ZSCAN5A: variants seen among roughly 807,000 people sequenced by gnomAD.
ZSCAN5A encodes zinc finger and SCAN domain containing 5A.
A neutral mutation model predicts 23.7 loss-of-function variants in ZSCAN5A; 12 were observed. The observed-to-expected ratio is 0.51, with a 90% CI of 0.32 to 0.82. The LOEUF (loss-of-function observed/expected upper bound fraction) is 0.82. Ranked by LOEUF, ZSCAN5A falls within the 40% of genes least tolerant of loss-of-function variation. The pLI, the probability that ZSCAN5A is intolerant of heterozygous loss-of-function variation, is 0.03. For missense variants in ZSCAN5A, 597 were observed against 617.9 expected (o/e 0.97, Z 0.36); for synonymous variants, 257 against 239.9 (o/e 1.07, Z -0.66).
chr19:56,305,724 T>TA (rs1297383533), intron 2 of ZSCAN5A, among the ~76,000 whole-genome samples: 18 of 152,158 alleles, frequency 1.2e-4, no homozygotes, highest in Admixed American at 5.9e-4. Flanking sequence ...AGGTGATACT[T>TA]AGAGCTAGAG....
intron 2 of ZSCAN5A, among the ~76,000 whole-genome samples, chr19:56,336,480 T>C (rs1185627862): frequency 6.6e-6 from 1 of 152,200 alleles, no homozygotes; most frequent in African/African-American, 2.4e-5. Flanking sequence ...TAGATAGCCA[T>C]TCGTCTAATT....
rs759410947 is a variant in ZSCAN5A at position 56,249,050 on chromosome 19, C to T, written c.-127-23877G>A. On this transcript the variant is annotated intron_variant, in intron 2 of 5. Coordinates refer to ENST00000683990, the MANE Select transcript of ZSCAN5A (RefSeq NM_001322064.3). ...TCTCTGCTCTGCCTATTTATCTCCCCGCCCCAGATGGTGTATTTCTTGGTC... is the reference window on the plus strand; with the variant it reads ...TCTCTGCTCTGCCTATTTATCTCCCTGCCCCAGATGGTGTATTTCTTGGTC... Among the ~76,000 whole-genome samples the T allele has an allele frequency of 3.9e-5, 6 of 152,118 alleles. No individual in the cohort carries two copies. The East Asian group carries it at 5.8e-4, about 15-fold the overall frequency.
At chr19:56,311,896 A>G (rs570278288) in intron 2 of ZSCAN5A, 2 of 152,276 alleles carry the variant, frequency 1.3e-5, no homozygotes, top group East Asian at 3.9e-4. Context: ...TAAATAAGAT[A>G]ATATTTCTAA....
At chr19:56,235,549 T>C (rs1167390316) in intron 2 of ZSCAN5A, among the ~76,000 whole-genome samples, 2 of 61,442 alleles carry the variant, frequency 3.3e-5, no homozygotes, top group Non-Finnish European at 6.0e-5. Context: ...CAGCCTCTGA[T>C]TGACCGTGGG....
chr19:56,350,278 A>G (rs572615791), intron 2 of ZSCAN5A, among the ~76,000 whole-genome samples: 21 of 152,352 alleles, frequency 1.4e-4, no homozygotes, highest in Admixed American at 2.0e-4. Flanking sequence ...AATACACACT[A>G]TGAAAAGGTT....
Position 56,223,683 on chromosome 19 carries a change from G to T in ZSCAN5A, c.536C>A (p.Ala179Asp), listed in dbSNP as rs776959267. Residue 179 changes from alanine (A) to aspartate (D), a missense_variant, in exon 4 of 6, where the codon GCC (alanine) becomes GAC (aspartate). By Grantham distance (126) the Ala-to-Asp change is moderately radical. Transcript: ENST00000683990. ...GGGCAGGATCTGCAGCTCTCGGTGG[G>T]CCTGGCCTTCCCCTGGACGCATCTG... ...VNQMRPGEGQ[A>D]HRELQILPRV... The T allele has an allele frequency of 3.3e-5, 52 of 1,593,672 alleles. No individual in the cohort carries two copies. Among genetic ancestry groups the T allele is most frequent in the Non-Finnish European group, 4.4e-5 (51 of 1,170,608 alleles).
At chr19:56,360,631 T>C (rs2041728165) in intron 2 of ZSCAN5A, among the ~76,000 whole-genome samples, 1 of 152,134 alleles carries the variant, frequency 6.6e-6, no homozygotes, top group Non-Finnish European at 1.5e-5. Context: ...GCTAGTCACA[T>C]GCAGAAAATT....
chr19:56,360,784 G>C (rs2041729241), intron 2 of ZSCAN5A, among the ~76,000 whole-genome samples: 1 of 152,104 alleles, frequency 6.6e-6, no homozygotes, highest in Non-Finnish European at 1.5e-5. Context: ...CATGGGCAAA[G>C]ATTTTATGAT....
chr19:56,245,995 C>T (rs746606448), intron 2 of ZSCAN5A, among the ~76,000 whole-genome samples: 7 of 152,106 alleles, frequency 4.6e-5, no homozygotes, highest in Non-Finnish European at 8.8e-5. Context: ...TAGGGGCCTC[C>T]ACCTAGAGTC....
intron 2 of ZSCAN5A, chr19:56,302,844 A>T (rs2040437384): frequency 2.5e-6 from 1 of 398,406 alleles, no homozygotes; most frequent in Non-Finnish European, 4.4e-6. Context: ...TTTCTAAGGG[A>T]CGTTCATAAG....
upstream of ZSCAN5A, among the ~76,000 whole-genome samples, chr19:56,318,522 G>A (rs948308473): frequency 6.6e-6 from 1 of 152,134 alleles, no homozygotes; most frequent in Admixed American, 6.6e-5. Flanking sequence ...CTAGTACTGA[G>A]CTTGCACTGG....
At chr19:56,273,172 C>G (rs1200289921) in intron 2 of ZSCAN5A, among the ~76,000 whole-genome samples, 1 of 152,192 alleles carries the variant, frequency 6.6e-6, no homozygotes, top group East Asian at 1.9e-4. Context: ...GGAGACACTG[C>G]GTCTGCAAAC....
At chr19:56,297,412 C>G (rs147020713) in intron 2 of ZSCAN5A, 158 of 283,452 alleles carry the variant, frequency 5.6e-4, no homozygotes, top group African/African-American at 3.6e-3. Flanking sequence ...CTTTCCTCTT[C>G]CTCTTCCTCC....
intron 2 of ZSCAN5A, among the ~76,000 whole-genome samples, chr19:56,331,670 C>G (rs993372704): frequency 1.1e-4 from 15 of 141,620 alleles, no homozygotes; most frequent in Admixed American, 4.3e-4. Flanking sequence ...TCACTGCAAC[C>G]TCTGCCTCCT....
At chr19:56,306,356 A>G (rs2040689370) in intron 2 of ZSCAN5A, among the ~76,000 whole-genome samples, 1 of 118,654 alleles carries the variant, frequency 8.4e-6, no homozygotes, top group African/African-American at 3.1e-5. Flanking sequence ...ATAGCTACAA[A>G]GAGGCTCCTC....
upstream of ZSCAN5A, chr19:56,316,803 C>A (rs933749575): frequency 1.3e-5 from 2 of 152,252 alleles, no homozygotes; most frequent in African/African-American, 4.8e-5. Context: ...TCTTCTCAGC[C>A]TGTTTATTGT....
At chr19:56,346,323 C>T (rs938021064) in intron 2 of ZSCAN5A, among the ~76,000 whole-genome samples, 2 of 152,204 alleles carry the variant, frequency 1.3e-5, no homozygotes, top group African/African-American at 4.8e-5. Flanking sequence ...CAGCTGGTTG[C>T]TACTCTTCTC....
chr19:56,261,525 CAGAAGAGGCTGG>C (rs1258896406), intron 2 of ZSCAN5A, among the ~76,000 whole-genome samples: 1 of 152,142 alleles, frequency 6.6e-6, no homozygotes. Flanking sequence ...CAGTATTCCC[CAGAAGAGGCTGG>C]ATAAAGCACA....
rs200678839 is a variant in ZSCAN5A at position 56,223,725 on chromosome 19, C to T, written c.494G>A (p.Arg165Gln). The T allele has an allele frequency of 1.5e-5, 25 of 1,613,880 alleles. No homozygotes were observed. In the South Asian group the frequency reaches 1.6e-4, roughly 11 times the overall value. Residue 165 changes from arginine (R) to glutamine (Q), a missense_variant, in exon 4 of 6, where the codon CGG becomes CAG. Arg to Gln is a conservative substitution (Grantham distance 43, BLOSUM62 1). Coordinates refer to ENST00000683990, the MANE Select transcript of ZSCAN5A (RefSeq NM_001322064.3). ...ACGCATCTGGTTCACCGAGGAGGCCCGTTGGCTGGACACGTCTTTCAGATC... is the reference window on the plus strand; with the variant it reads ...ACGCATCTGGTTCACCGAGGAGGCCTGTTGGCTGGACACGTCTTTCAGATC... ...RDDLKDVSSQRASSVNQMRPG... is the reference protein window; with the variant it reads ...RDDLKDVSSQQASSVNQMRPG...
Sources: gnomAD v4.1 joint callset for allele counts (sites outside exome capture counted in the v4.1 genomes callset) on GRCh38, gnomAD v4.1.1 for gene constraint, MANE v1.5 for transcripts, NCBI Gene and HGNC (gene_info 2026-07-23, HGNC 2026-07-21) for gene names.